Variants in CEACAM21 observed in about 807,000 individuals in gnomAD.
The protein encoded by CEACAM21 is CEA cell adhesion molecule 21.
Under a neutral mutation model 33.2 loss-of-function variants are expected in CEACAM21, and 38 were observed. The ratio of observed to expected loss-of-function variants is 1.14; its 90% CI spans 0.88 to 1.50. The LOEUF (loss-of-function observed/expected upper bound fraction) is 1.50, where lower values mean the gene tolerates loss of function less well. Among genes scored for constraint, CEACAM21 ranks in the 40% most tolerant of loss-of-function variants. The probability of loss-of-function intolerance (pLI) is 0.00; values close to 1 mark genes in which losing one functional copy is unlikely to be tolerated. For synonymous variants in CEACAM21, 156 were observed against 143.0 expected (o/e 1.09, Z -0.65); for missense variants, 385 against 364.6 (o/e 1.06, Z -0.46).
intron 2 of CEACAM21, among the ~76,000 whole-genome samples, chr19:41,570,704 C>G (rs955009477): frequency 6.6e-5 from 10 of 152,148 alleles, no homozygotes; most frequent in Non-Finnish European, 1.0e-4. Flanking sequence ...GCTCCCTGAG[C>G]AAATCTAGAG....
chr19:41,569,910 C>G (rs962622588), intron 2 of CEACAM21, among the ~76,000 whole-genome samples: 2 of 152,184 alleles, frequency 1.3e-5, no homozygotes, highest in African/African-American at 4.8e-5. Flanking sequence ...TCCCACACCC[C>G]CAGCCTGACT....
Position 41,577,217 on chromosome 19 carries a change from T to C in CEACAM21, c.82T>C (p.Trp28Arg). ...LLLTASLLTF[W>R]NAPTTAWLFI... The stretch of plus-strand genomic sequence containing the variant: ...TTTCCTAGCCTCACTTTTAACTTTC[T>C]GGAACGCACCCACCACTGCCTGGCT... Residue 28 changes from tryptophan (W) to arginine (R), a missense_variant, in exon 2 of 7, where the codon TGG (tryptophan) becomes CGG (arginine). Transcript: ENST00000401445. 1 of 1,614,108 alleles carries C rather than the reference T, an allele frequency of 6.2e-7. No homozygotes were observed. Among genetic ancestry groups the C allele is most frequent in the Non-Finnish European group, 8.5e-7 (1 of 1,180,038 alleles).
rs1243863795 is a variant in CEACAM21, at chr19:41,585,864, T to A, written c.875T>A (p.Ile292Asn). ...TPGHGPSDSS[I>N]S is the part of the protein sequence containing the mutation. ...GGCCATGGACCCTCTGACAGCTCCA[T>A]CTCCTAGGTAAGACTGTCCGTTCCC... The change falls in exon 6 of 7, where the codon ATC (isoleucine) becomes AAC (asparagine). Residue 292 changes from isoleucine to asparagine, a missense_variant. Ile to Asn is a moderately radical substitution (Grantham distance 149). Coordinates refer to ENST00000401445, the MANE Select transcript of CEACAM21 (RefSeq NM_001098506.4). 6.2e-7 allele frequency: 1 copy of A among 1,613,014 alleles called. No homozygotes were observed. The highest frequency in any genetic ancestry group is 1.3e-5 in the African/African-American group (1 of 74,982).
intron 1 of CEACAM21, among the ~76,000 whole-genome samples, chr19:41,555,626 A>G (rs2041483380): frequency 6.6e-6 from 1 of 151,910 alleles, no homozygotes; most frequent in African/African-American, 2.4e-5. Context: ...AGGTCTCTAA[A>G]AGAAGGGACA....
chr19:41,565,803 G>A (rs2042221222), intron 2 of CEACAM21, among the ~76,000 whole-genome samples: 1 of 152,086 alleles, frequency 6.6e-6, no homozygotes, highest in Non-Finnish European at 1.5e-5. Context: ...ATAGGAAAAT[G>A]GGCCAATGAA....
intron 3 of CEACAM21, among the ~76,000 whole-genome samples, chr19:41,582,307 C>A (rs1225137179): frequency 8.5e-5 from 13 of 152,250 alleles, no homozygotes; most frequent in South Asian, 4.1e-4. Context: ...CTCCTGGCTG[C>A]TTTCATAGGC....
At chr19:41,576,589 A>G (rs1555791140) in intron 1 of CEACAM21, among the ~76,000 whole-genome samples, 1 of 152,260 alleles carries the variant, frequency 6.6e-6, no homozygotes, top group Non-Finnish European at 1.5e-5. Flanking sequence ...GTAAAACTAT[A>G]TCACAGTGAC....
At chr19:41,577,925 G>C (rs1476769) in intron 2 of CEACAM21, among the ~76,000 whole-genome samples, 32,080 of 152,074 alleles carry the variant, frequency 0.21, 3,640 homozygotes, top group African/African-American at 0.29. Context: ...CTCAGCCCTT[G>C]AAGCCCCTGC....
intron 5 of CEACAM21, 88 bp from the exon 6 acceptor site, chr19:41,585,752 C>A: frequency 1.4e-6 from 2 of 1,380,770 alleles, no homozygotes; most frequent in Admixed American, 1.9e-5. Flanking sequence ...CTCCCCAATT[C>A]TCTAAGAACT....
At chr19:41,576,029 A>C, upstream of CEACAM21, 1 of 572,248 alleles carries the variant, frequency 1.7e-6, no homozygotes, top group South Asian at 2.1e-5. Flanking sequence ...CTAGGGAACC[A>C]AATATAGGCA....
At chr19:41,569,519 T>G (rs1045282655) in intron 2 of CEACAM21, among the ~76,000 whole-genome samples, 1 of 151,344 alleles carries the variant, frequency 6.6e-6, no homozygotes. Context: ...GGGGGGCGGG[T>G]TGGGGAAGGT....
chr19:41,585,608 A>G (rs2070677280), intron 5 of CEACAM21, 113 bp downstream of exon 5: 1 of 1,254,002 alleles, frequency 8.0e-7, no homozygotes, highest in Non-Finnish European at 1.2e-6. Context: ...GGCTGCAAAG[A>G]GGATCCCATA....
intron 1 of CEACAM21, chr19:41,564,595 G>C (rs574478826): frequency 5.9e-5 from 9 of 152,264 alleles, no homozygotes; most frequent in Non-Finnish European, 1.3e-4. Context: ...GCGGAAACAG[G>C]GGGTGGGCGC....
chr19:41,557,002 C>G (rs1394788960), intron 1 of CEACAM21, among the ~76,000 whole-genome samples: 8 of 152,130 alleles, frequency 5.3e-5, no homozygotes, highest in African/African-American at 1.9e-4. Flanking sequence ...CATCCTTTGA[C>G]CACTGCTTAG....
intron 1 of CEACAM21, among the ~76,000 whole-genome samples, chr19:41,564,247 A>T (rs1052027195): frequency 6.6e-6 from 1 of 151,792 alleles, no homozygotes; most frequent in Non-Finnish European, 1.5e-5. Context: ...CCTGCTTAAA[A>T]CCCAAAAGGT....
At chr19:41,550,079 T>G (rs534513556) in intron 1 of CEACAM21, 3 of 152,320 alleles carry the variant, frequency 2.0e-5, no homozygotes, top group South Asian at 2.1e-4. Flanking sequence ...ATTAAAAATC[T>G]AATCAACCAA....
chr19:41,576,405 G>A, intron 1 of CEACAM21, 67 bp downstream of exon 1: 9 of 1,523,222 alleles, frequency 5.9e-6, no homozygotes, highest in Non-Finnish European at 8.0e-6. Flanking sequence ...GGTCTCCTGG[G>A]GAGGATGGGG....
At chr19:41,567,895 TAAA>T (rs35461515) in intron 2 of CEACAM21, among the ~76,000 whole-genome samples, 55 of 139,892 alleles carry the variant, frequency 3.9e-4, no homozygotes, top group East Asian at 1.8e-3. Context: ...GAAGATGCAG[TAAA>T]AAAAAAAAAA....
chr19:41,580,358 G>A (rs782291357), intron 3 of CEACAM21, among the ~76,000 whole-genome samples: 14 of 151,988 alleles, frequency 9.2e-5, no homozygotes, highest in Admixed American at 3.3e-4. Context: ...GTTCTGCACC[G>A]TACATCAGCT....
Sources: gnomAD v4.1 joint callset for allele counts (sites outside exome capture counted in the v4.1 genomes callset) on GRCh38, gnomAD v4.1.1 for gene constraint, MANE v1.5 for transcripts, NCBI Gene and HGNC (gene_info 2026-07-23, HGNC 2026-07-21) for gene names.